MICALL1: variants seen among roughly 807,000 people sequenced by gnomAD.
The protein encoded by MICALL1 is MICAL-like protein 1.
MICALL1 carries 61 observed loss-of-function variants against 83.7 expected under a neutral mutation model. The ratio of observed to expected loss-of-function variants is 0.73; its 90% CI spans 0.59 to 0.90. MICALL1 has a LOEUF of 0.90. Among genes scored for constraint, MICALL1 ranks in the 40% least tolerant of loss-of-function variants. The probability of loss-of-function intolerance (pLI) is 0.00; values close to 1 mark genes in which losing one functional copy is unlikely to be tolerated. For missense variants in MICALL1, 1,066 were observed against 1,152.0 expected, an observed-to-expected ratio of 0.93 and a Z score of 1.08; for synonymous variants, 481 against 473.6, an observed-to-expected ratio of 1.02 and a Z score of -0.20.
chr22:37,914,018 G>A (rs566591247), intron 3 of MICALL1, among the ~76,000 whole-genome samples: 1 of 151,910 alleles, frequency 6.6e-6, no homozygotes, highest in African/African-American at 2.4e-5. Context: ...TGGGATTACA[G>A]GCATGCACCA....
intron 13 of MICALL1, among the ~76,000 whole-genome samples, chr22:37,934,245 TC>T (rs1929959953): frequency 6.6e-6 from 1 of 152,162 alleles, no homozygotes; most frequent in Non-Finnish European, 1.5e-5. Flanking sequence ...TGTATGAGGC[TC>T]CGAGTACAGT....
chr22:37,917,762 A>T lies in MICALL1; in HGVS notation c.393A>T (p.Ala131=). The stretch of plus-strand genomic sequence containing the variant: ...CACCCTGTTCCCCGCCGTCTGTAGC[A>T]CCCACTCCAGTGGAACCAGAAGATG... ...GLAPCSPPSV[A]PTPVEPEDVA... Residue 131 remains alanine (A), a synonymous_variant, in exon 4 of 16, where the codon GCA becomes GCT. Coordinates refer to ENST00000215957, the MANE Select transcript of MICALL1 (RefSeq NM_033386.4). The T allele has an allele frequency of 6.2e-7, 1 of 1,613,856 alleles. No homozygotes were observed. Among genetic ancestry groups the T allele is most frequent in the African/African-American group, 1.3e-5 (1 of 75,020 alleles).
rs1250560193 is a variant in MICALL1 at position 37,927,269 on chromosome 22, C to G, written c.1466-142C>G. On this transcript the variant is annotated intron_variant, in intron 8 of 15. Transcript: ENST00000215957. The stretch of plus-strand genomic sequence containing the variant: ...CCGTCCTGCCGGGCGTTTGCTGTTC[C>G]CTGGGCCTTGGCCCTGTCTCGATGT... 4 of 1,018,672 alleles carry G rather than the reference C, an allele frequency of 3.9e-6. No homozygotes were observed. In the Admixed American group the frequency reaches 8.8e-5, roughly 22 times the overall value. The allele number at this position is 1,018,672 out of a possible 1,614,324, so 63.1% of individuals were successfully genotyped here.
intron 7 of MICALL1, 128 bp from the exon 8 acceptor site, chr22:37,925,533 G>A: frequency 1.6e-6 from 1 of 642,310 alleles, no homozygotes; most frequent in African/African-American, 1.8e-5. Context: ...CATGGGGATG[G>A]GGGTGGGAGA....
chr22:37,908,725 C>G (rs568060783), intron 1 of MICALL1, among the ~76,000 whole-genome samples: 6 of 152,228 alleles, frequency 3.9e-5, no homozygotes, highest in Non-Finnish European at 8.8e-5. Flanking sequence ...ACACGCTCTC[C>G]CACACCTGTA....
In MICALL1 at chr22:37,932,575, C is replaced by T. The variant is rs773627876; in HGVS notation, c.2039C>T (p.Pro680Leu). The stretch of plus-strand genomic sequence containing the variant: ...CAGGTCCAGGCTGACCAGTACATCC[C>T]TGAGGAGGACATCCATGGAGAGATG... ...KRKVQADQYIPEEDIHGEMDT... is the reference protein window; with the variant it reads ...KRKVQADQYILEEDIHGEMDT... Residue 680 changes from proline to leucine, a missense_variant, in exon 11 of 16, where the codon CCT becomes CTT. Coordinates refer to ENST00000215957, the MANE Select transcript of MICALL1 (RefSeq NM_033386.4). The surrounding 1 kb of genome is among the most constrained non-coding windows in gnomAD (Gnocchi z 4.4). 6.2e-7 allele frequency: 1 copy of T among 1,614,184 alleles called. No individual in the cohort carries two copies. Among genetic ancestry groups the T allele is most frequent in the Non-Finnish European group, 8.5e-7 (1 of 1,180,022 alleles).
chr22:37,925,062 T>A (rs143125081), intron 7 of MICALL1, among the ~76,000 whole-genome samples: 2 of 152,246 alleles, frequency 1.3e-5, no homozygotes, highest in African/African-American at 4.8e-5. Context: ...TAGAAAGACC[T>A]GGAAAAGCTC....
intron 8 of MICALL1, chr22:37,927,185 G>C: frequency 1.9e-6 from 1 of 524,596 alleles, no homozygotes; most frequent in Non-Finnish European, 3.4e-6. Context: ...AGTGGAGGCA[G>C]CAGGCAGAAC....
Position 37,911,917 on chromosome 22 carries a change from C to T in MICALL1, c.147-35C>T, listed in dbSNP as rs554925571. On this transcript the variant is annotated intron_variant, in intron 1 of 15. Transcript: ENST00000215957. ...CGCCCCTATTTCCCAGTCACCTCCC[C>T]TCTTGACCAACCCTCCTCCCTTTGC... is the stretch of plus-strand genomic sequence containing the variant. 14 of 1,613,268 alleles carry T rather than the reference C, an allele frequency of 8.7e-6. No individual in the cohort carries two copies. The African/African-American group carries it at 1.3e-4, about 15-fold the overall frequency.
At chr22:37,933,310 G>A (rs1256658746) in intron 13 of MICALL1, among the ~76,000 whole-genome samples, 198 bp downstream of exon 13, 4 of 152,178 alleles carry the variant, frequency 2.6e-5, no homozygotes, top group Admixed American at 2.6e-4. Context: ...AGCTGGCTGG[G>A]GCTGTGGTAG....
At chr22:37,907,808 G>A (rs1928061019) in intron 1 of MICALL1, among the ~76,000 whole-genome samples, 1 of 152,232 alleles carries the variant, frequency 6.6e-6, no homozygotes, top group South Asian at 2.1e-4. Flanking sequence ...AACAAGATGA[G>A]GTGGTCATGT....
intron 9 of MICALL1, among the ~76,000 whole-genome samples, chr22:37,929,505 G>A (rs1929672693): frequency 6.6e-6 from 1 of 152,212 alleles, no homozygotes; most frequent in Admixed American, 6.5e-5. Context: ...CATGAGGGGT[G>A]TTTACCGAGG....
chr22:37,922,796 G>GTTTT (rs574266914), intron 6 of MICALL1, among the ~76,000 whole-genome samples: 40 of 69,164 alleles, frequency 5.8e-4, no homozygotes, highest in Middle Eastern at 8.5e-3. Context: ...GTTTTTTTTT[G>GTTTT]TTTTTTTTTT....
At chr22:37,927,012 G>A in intron 8 of MICALL1, 2 of 247,960 alleles carry the variant, frequency 8.1e-6, no homozygotes, top group South Asian at 1.3e-4. Context: ...TTGGTGCCCG[G>A]CAGTGCCTGT....
intron 3 of MICALL1, among the ~76,000 whole-genome samples, chr22:37,914,961 A>G (rs1928584538): frequency 6.6e-6 from 1 of 151,134 alleles, no homozygotes; most frequent in Admixed American, 6.6e-5. Flanking sequence ...TAACTTTAGG[A>G]AAAAAAGAAA....
Position 37,927,418 on chromosome 22 carries a change from C to T in MICALL1, c.1473C>T (p.His491=), listed in dbSNP as rs374402603. ...RAPSASPLAL[H]ASRLSHSEPP... ...TGGTGCTCGTCCGCACAGCTCTCCA[C>T]GCCTCCCGCCTCTCGCACTCGGAGC... The change falls in exon 9 of 16, where the codon CAC becomes CAT. Residue 491 remains histidine, a synonymous_variant. Transcript: ENST00000215957. The T allele has an allele frequency of 1.8e-4, 280 of 1,580,532 alleles. 2 individuals are homozygous for T. The highest frequency in any genetic ancestry group is 1.2e-3 in the South Asian group (107 of 89,798).
chr22:37,925,592 T>C, intron 7 of MICALL1, 69 bp from the exon 8 acceptor site: 1 of 1,166,554 alleles, frequency 8.6e-7, no homozygotes, highest in Admixed American at 2.3e-5. Context: ...GAGTCAAAAC[T>C]GTCTAGAGAG....
Position 37,927,470 on chromosome 22 carries a change from C to G in MICALL1, c.1525C>G (p.Leu509Val). The stretch of plus-strand genomic sequence containing the variant: ...GCCCTCGGCCACACCATCGCCAGCG[C>G]TCAGCGTGGAGAGCCTGTCGTCTGA... ...EPPSATPSPA[L>V]SVESLSSESA... Residue 509 changes from leucine to valine, a missense_variant, in exon 9 of 16, where the codon CTC becomes GTC. Transcript: ENST00000215957. 1 of 1,608,862 alleles carries G rather than the reference C, an allele frequency of 6.2e-7. No homozygotes were observed. Among genetic ancestry groups the G allele is most frequent in the Non-Finnish European group, 8.5e-7 (1 of 1,176,370 alleles).
rs1569148108 is a variant in MICALL1 at position 37,932,814 on chromosome 22, C to T, written c.2160C>T (p.Asp720=). ...RGGLNEGRED[D]MLVDWFKLIH... ...GGCTTCCAGAGGGCCGTGAGGATGA[C>T]ATGCTGGTGGACTGGTTCAAGCTCA... Residue 720 remains aspartate, a synonymous_variant, in exon 12 of 16, where the codon GAC becomes GAT. Coordinates refer to ENST00000215957, the MANE Select transcript of MICALL1 (RefSeq NM_033386.4). This position sits in a 1 kb window ranked among gnomAD's most constrained non-coding sequence, Gnocchi z 4.4. 6.2e-7 allele frequency: 1 copy of T among 1,614,076 alleles called. No homozygotes were observed.
Sources: allele counts gnomAD v4.1 joint callset (sites outside exome capture counted in the v4.1 genomes callset), GRCh38; gene constraint gnomAD v4.1.1; non-coding constraint Gnocchi (gnomAD v3.1); transcripts MANE v1.5; gene names NCBI Gene and HGNC (gene_info 2026-07-23, HGNC 2026-07-21).